Variants in CDC42BPA observed in about 807,000 individuals in gnomAD.
CDC42BPA encodes serine/threonine-protein kinase MRCK alpha.
Under a neutral mutation model 223.5 loss-of-function variants are expected in CDC42BPA, and 80 were observed. The ratio of observed to expected loss-of-function variants is 0.36; its 90% CI spans 0.30 to 0.43. CDC42BPA has a LOEUF of 0.43. Among genes scored for constraint, CDC42BPA ranks in the 20% least tolerant of loss-of-function variants. The pLI is 1.00. For missense variants in CDC42BPA, 1,743 were observed against 2,099.9 expected, an observed-to-expected ratio of 0.83 and a Z score of 3.32; for synonymous variants, 694 against 718.6, an observed-to-expected ratio of 0.97 and a Z score of 0.55.
intron 28 of CDC42BPA, among the ~76,000 whole-genome samples, chr1:227,030,793 G>T (rs978564040): frequency 6.6e-6 from 1 of 152,074 alleles, no homozygotes; most frequent in South Asian, 2.1e-4. Context: ...CATACTCATT[G>T]AACTTTTCAG....
At chr1:227,149,930 G>A (rs577586399) in intron 6 of CDC42BPA, among the ~76,000 whole-genome samples, 1 of 152,092 alleles carries the variant, frequency 6.6e-6, no homozygotes, top group Non-Finnish European at 1.5e-5. Flanking sequence ...AGGGCATAAA[G>A]TACTTAGAAG....
intron 34 of CDC42BPA, among the ~76,000 whole-genome samples, chr1:227,015,369 G>T (rs1184707733): frequency 6.7e-6 from 1 of 150,328 alleles, no homozygotes; most frequent in African/African-American, 2.5e-5. Context: ...GTTGCAGTGA[G>T]CCGAGATCAC....
At chr1:227,139,082 T>G (rs1231903086) in intron 10 of CDC42BPA, among the ~76,000 whole-genome samples, 1 of 152,156 alleles carries the variant, frequency 6.6e-6, no homozygotes, top group Non-Finnish European at 1.5e-5. Flanking sequence ...TACCATAGGA[T>G]GGACTGGATG....
chr1:227,035,390 C>T, intron 25 of CDC42BPA, 81 bp downstream of exon 25: 1 of 1,018,016 alleles, frequency 9.8e-7, no homozygotes, highest in Non-Finnish European at 1.5e-6. Flanking sequence ...CAAGAACTAT[C>T]CTCTTAAACT....
chr1:227,249,838 T>A (rs1392056180), intron 2 of CDC42BPA, among the ~76,000 whole-genome samples: 1 of 152,048 alleles, frequency 6.6e-6, no homozygotes, highest in Non-Finnish European at 1.5e-5. Flanking sequence ...GAGATGGGGA[T>A]GATTAATGAG....
At chr1:227,010,405 C>CA (rs1391106757) in intron 34 of CDC42BPA, among the ~76,000 whole-genome samples, 4 of 151,936 alleles carry the variant, frequency 2.6e-5, no homozygotes, top group Admixed American at 2.6e-4. Flanking sequence ...TTAAGCTTTT[C>CA]AAAAAGGGGT....
intron 6 of CDC42BPA, among the ~76,000 whole-genome samples, chr1:227,157,955 C>CTTTTTT (rs59212512): frequency 5.5e-5 from 8 of 144,958 alleles, no homozygotes; most frequent in Admixed American, 6.9e-5. Flanking sequence ...ATTTTTATAA[C>CTTTTTT]TTTTTTTTTT....
intron 5 of CDC42BPA, among the ~76,000 whole-genome samples, chr1:227,184,623 T>C (rs965064970): frequency 1.6e-4 from 25 of 152,160 alleles, no homozygotes; most frequent in Non-Finnish European, 2.9e-5. Flanking sequence ...ATTCTCCTTT[T>C]TCAAAATCTG....
chr1:227,300,212 T>C (rs1691378520), intron 1 of CDC42BPA, among the ~76,000 whole-genome samples: 1 of 152,208 alleles, frequency 6.6e-6, no homozygotes, highest in African/African-American at 2.4e-5. Context: ...TATAGACTGC[T>C]ACTGGGAACG....
At chr1:227,259,749 C>G (rs560883879) in intron 1 of CDC42BPA, among the ~76,000 whole-genome samples, 1 of 151,026 alleles carries the variant, frequency 6.6e-6, no homozygotes, top group Non-Finnish European at 1.5e-5. Context: ...GAGAAGGACA[C>G]ACCAACTTAG....
intron 3 of CDC42BPA, among the ~76,000 whole-genome samples, chr1:227,201,147 T>G (rs1434802018): frequency 6.6e-6 from 1 of 151,816 alleles, no homozygotes; most frequent in African/African-American, 2.4e-5. Context: ...AAAAAATAAT[T>G]GTTTAACCTT....
At chr1:227,174,992 T>C (rs1666714664) in intron 5 of CDC42BPA, among the ~76,000 whole-genome samples, 1 of 152,188 alleles carries the variant, frequency 6.6e-6, no homozygotes, top group Non-Finnish European at 1.5e-5. Flanking sequence ...AAAATATAAT[T>C]TCCATTTTGT....
At chr1:226,995,611 T>C (rs935839928) in intron 35 of CDC42BPA, among the ~76,000 whole-genome samples, 1 of 152,212 alleles carries the variant, frequency 6.6e-6, no homozygotes, top group African/African-American at 2.4e-5. Context: ...GCAAAGAGCC[T>C]GAGATGTAAA....
intron 5 of CDC42BPA, among the ~76,000 whole-genome samples, chr1:227,166,530 T>G (rs895565583): frequency 3.2e-4 from 48 of 152,190 alleles, no homozygotes; most frequent in African/African-American, 1.2e-3. Context: ...AAGAAAACAT[T>G]TGACCAAGAC....
chr1:227,008,955 T>C (rs1162855109), intron 34 of CDC42BPA, among the ~76,000 whole-genome samples: 1 of 152,192 alleles, frequency 6.6e-6, no homozygotes, highest in Non-Finnish European at 1.5e-5. Context: ...AGCAACCCTG[T>C]AAGACGCAAG....
At chr1:227,084,831 G>GT (rs1681495694) in intron 16 of CDC42BPA, among the ~76,000 whole-genome samples, 1 of 151,652 alleles carries the variant, frequency 6.6e-6, no homozygotes, top group South Asian at 2.1e-4. Flanking sequence ...GGGTAGGTCT[G>GT]TGAGGGTGTC....
At chr1:227,167,907 T>A (rs1383082969) in intron 5 of CDC42BPA, among the ~76,000 whole-genome samples, 2 of 148,272 alleles carry the variant, frequency 1.3e-5, no homozygotes, top group Middle Eastern at 3.4e-3. Context: ...ACAGTGCAGG[T>A]CTTCTGGCAA....
At chr1:227,268,669 T>A (rs541397622) in intron 1 of CDC42BPA, among the ~76,000 whole-genome samples, 1 of 144,198 alleles carries the variant, frequency 6.9e-6, no homozygotes, top group Non-Finnish European at 1.5e-5. Context: ...TATATATACA[T>A]ATATATATAT....
Position 227,199,565 on chromosome 1 carries a change from T to C in CDC42BPA, c.442A>G (p.Asn148Asp). The change falls in exon 4 of 37, where the codon AAT becomes GAT. Residue 148 changes from asparagine (N) to aspartate (D), a missense_variant. Physicochemically the swap from Asn to Asp is conservative, Grantham distance 23. Around this residue, in one of 6 missense-constraint regions of CDC42BPA, gnomAD observed 321 missense variants for 488.7 expected, o/e 0.66. Transcript: ENST00000366766. ...ACAAAAATGATTCTTACTAAGTTAT[T>C]GTCATCCTGGAAAGCATAGTGCAAG... ...TTLHYAFQDD[N>D]NLYLVMDYYV... The C allele has an allele frequency of 6.4e-7, 1 of 1,550,784 alleles. No homozygotes were observed. The highest frequency in any genetic ancestry group is 8.9e-7 in the Non-Finnish European group (1 of 1,125,418).
Sources: gnomAD v4.1 joint callset for allele counts (sites outside exome capture counted in the v4.1 genomes callset) on GRCh38, gnomAD v4.1.1 for gene constraint, gnomAD v4.1.1 regional missense constraint, MANE v1.5 for transcripts, NCBI Gene and HGNC (gene_info 2026-07-23, HGNC 2026-07-21) for gene names.